The following PARD3 variants were observed in gnomAD, a reference collection of about 807,000 sequenced individuals.
PARD3 encodes the protein par-3 family cell polarity regulator.
In PARD3, 75 loss-of-function variants were observed where a neutral mutation model predicts 155.4. The ratio of observed to expected loss-of-function variants is 0.48; its 90% CI spans 0.40 to 0.58. The LOEUF is 0.58. Ranked by LOEUF, PARD3 falls within the 20% of genes least tolerant of loss-of-function variation. The probability of loss-of-function intolerance (pLI) is 0.00; values close to 1 mark genes in which losing one functional copy is unlikely to be tolerated. For synonymous variants in PARD3, 576 were observed against 610.5 expected, an observed-to-expected ratio of 0.94 and a Z score of 0.83; for missense variants, 1,642 against 1,721.7, an observed-to-expected ratio of 0.95 and a Z score of 0.82.
chr10:34,468,089 T>C (rs965630019), intron 4 of PARD3, among the ~76,000 whole-genome samples: 5 of 152,088 alleles, frequency 3.3e-5, no homozygotes, highest in African/African-American at 9.7e-5. Flanking sequence ...TAGTGTGTAG[T>C]AGGCAGGCTC....
intron 1 of PARD3, 26 bp downstream of exon 1, chr10:34,814,850 C>G: frequency 7.2e-7 from 1 of 1,391,982 alleles, no homozygotes. Flanking sequence ...GCCGCCCCCT[C>G]CCCGCCCGCG....
intron 7 of PARD3, among the ~76,000 whole-genome samples, chr10:34,391,726 C>T (rs1239267110): frequency 6.6e-6 from 1 of 152,190 alleles, no homozygotes; most frequent in Non-Finnish European, 1.5e-5. Context: ...ATACAATCTG[C>T]ATATAGATTA....
intron 22 of PARD3, among the ~76,000 whole-genome samples, chr10:34,244,195 T>C (rs1953790902): frequency 6.6e-6 from 1 of 152,246 alleles, no homozygotes; most frequent in Admixed American, 6.5e-5. Flanking sequence ...GATGTTACTT[T>C]AGACAATGTC....
chr10:34,259,993 C>T (rs1047973736), intron 22 of PARD3, among the ~76,000 whole-genome samples: 5 of 152,090 alleles, frequency 3.3e-5, no homozygotes, highest in Non-Finnish European at 5.9e-5. Context: ...CAGGTAGGTG[C>T]CACTATGCCC....
chr10:34,715,586 G>C (rs915621681), intron 1 of PARD3, among the ~76,000 whole-genome samples: 3 of 152,144 alleles, frequency 2.0e-5, no homozygotes, highest in Admixed American at 6.6e-5. Flanking sequence ...ATCTCTGCAA[G>C]ACAACCATCT....
At chr10:34,438,209 G>A (rs1416076618) in intron 5 of PARD3, among the ~76,000 whole-genome samples, 1 of 152,132 alleles carries the variant, frequency 6.6e-6, no homozygotes, top group African/African-American at 2.4e-5. Context: ...GTTCACAAAC[G>A]ATTAAACTTA....
At chr10:34,540,776 T>C (rs1374377306) in intron 2 of PARD3, among the ~76,000 whole-genome samples, 2 of 152,176 alleles carry the variant, frequency 1.3e-5, no homozygotes, top group Non-Finnish European at 2.9e-5. Context: ...AGTGAGATCC[T>C]GTCTCGGAGG....
intron 1 of PARD3, among the ~76,000 whole-genome samples, chr10:34,741,509 T>C (rs998069793): frequency 6.6e-6 from 1 of 151,986 alleles, no homozygotes; most frequent in Non-Finnish European, 1.5e-5. Context: ...AAAAGAAAAT[T>C]CTGGGTAAAG....
intron 1 of PARD3, among the ~76,000 whole-genome samples, chr10:34,714,403 G>A (rs1365088468): frequency 2.0e-5 from 3 of 152,146 alleles, no homozygotes; most frequent in Non-Finnish European, 4.4e-5. Flanking sequence ...TTGGAGCTAT[G>A]GACAAACAGT....
Position 34,669,779 on chromosome 10 carries a change from A to T in PARD3, c.222+26539T>A, listed in dbSNP as rs184781252. Among the ~76,000 whole-genome samples, 1,335 of 151,910 alleles carry T rather than the reference A, an allele frequency of 8.8e-3. 10 individuals carry two copies. The highest frequency in any genetic ancestry group is 0.011 in the Non-Finnish European group (780 of 67,920). On this transcript the variant is annotated intron_variant, in intron 2 of 24. Coordinates refer to ENST00000374788, the MANE Select transcript of PARD3 (RefSeq NM_001184785.2). ...GAGTATCTGCATTAAAATGTGATTT[A>T]AAAAAAAATTTAAGGTATCTGACAC...
At chr10:34,509,904 T>C (rs1046114925) in intron 3 of PARD3, among the ~76,000 whole-genome samples, 2 of 152,240 alleles carry the variant, frequency 1.3e-5, no homozygotes, top group African/African-American at 4.8e-5. Context: ...GCCACAAGGC[T>C]GAGAACATAA....
chr10:34,556,223 C>T (rs976904372), intron 2 of PARD3, among the ~76,000 whole-genome samples: 1 of 152,138 alleles, frequency 6.6e-6, no homozygotes, highest in African/African-American at 2.4e-5. Flanking sequence ...CCCGGTAGTA[C>T]CGTTACAACA....
chr10:34,496,263 T>C (rs143420796), intron 3 of PARD3, among the ~76,000 whole-genome samples: 168 of 151,342 alleles, frequency 1.1e-3, no homozygotes, highest in African/African-American at 3.7e-3. Flanking sequence ...AAGAAACAGA[T>C]GAAATTAAGC....
At chr10:34,677,390 G>A (rs1183997697) in intron 2 of PARD3, among the ~76,000 whole-genome samples, 1 of 151,662 alleles carries the variant, frequency 6.6e-6, no homozygotes, top group South Asian at 2.1e-4. Flanking sequence ...TGAGGTGGGA[G>A]GACTGCTTCA....
At chr10:34,435,109 T>C (rs2076122566) in intron 5 of PARD3, among the ~76,000 whole-genome samples, 1 of 152,202 alleles carries the variant, frequency 6.6e-6, no homozygotes, top group South Asian at 2.1e-4. Flanking sequence ...ACATTTGATA[T>C]CTAATATTAA....
intron 3 of PARD3, among the ~76,000 whole-genome samples, chr10:34,498,342 G>GA: frequency 6.6e-6 from 1 of 152,122 alleles, no homozygotes; most frequent in East Asian, 1.9e-4. Flanking sequence ...AATAAATCTA[G>GA]AAAATAATCC....
intron 22 of PARD3, among the ~76,000 whole-genome samples, chr10:34,192,957 C>A (rs2133276779): frequency 6.6e-6 from 1 of 152,330 alleles, no homozygotes; most frequent in East Asian, 1.9e-4. Flanking sequence ...CATTCCAATT[C>A]TTAGCTTAAA....
At chr10:34,122,899 CAAGCACAAAAATAA>C (rs1303804454) in intron 23 of PARD3, among the ~76,000 whole-genome samples, 2 of 152,144 alleles carry the variant, frequency 1.3e-5, no homozygotes, top group Admixed American at 6.5e-5. Context: ...TATCTGAGTC[CAAGCACAAAAATAA>C]AGTGAAGAAA....
intron 4 of PARD3, among the ~76,000 whole-genome samples, chr10:34,461,514 G>A (rs899269159): frequency 4.6e-5 from 7 of 152,182 alleles, no homozygotes; most frequent in Non-Finnish European, 7.3e-5. Flanking sequence ...GCTGAGGCAG[G>A]AGTTTCGCTT....
Sources: allele counts gnomAD v4.1 joint callset (sites outside exome capture counted in the v4.1 genomes callset), GRCh38; gene constraint gnomAD v4.1.1; transcripts MANE v1.5; gene names NCBI Gene and HGNC (gene_info 2026-07-23, HGNC 2026-07-21).